LRRIQ1: variants seen among roughly 807,000 people sequenced by gnomAD.
LRRIQ1 encodes leucine-rich repeat- and IQ domain-containing protein 1.
In LRRIQ1, 210 loss-of-function variants were observed where a neutral mutation model predicts 211.9. The ratio of observed to expected loss-of-function variants is 0.99; its 90% CI spans 0.89 to 1.11. LRRIQ1 has a LOEUF of 1.11. LRRIQ1 is among the 50% of genes most tolerant of loss of function. LRRIQ1 has a pLI of 0.00. For synonymous variants in LRRIQ1, 699 were observed against 650.1 expected, an observed-to-expected ratio of 1.08 and a Z score of -1.14; for missense variants, 2,136 against 1,939.5, an observed-to-expected ratio of 1.10 and a Z score of -1.90.
rs779034130 is a variant in LRRIQ1 at position 85,152,384 on chromosome 12, A to C, written c.4419+15A>C. On this transcript the variant is annotated intron_variant, in intron 20 of 26. Coordinates refer to ENST00000393217, the MANE Select transcript of LRRIQ1 (RefSeq NM_001079910.2). ...ATTGGCCAAAGGTAACATGTCATGGAAACTTCTGAGTCCTCGATCTTTGCT... is the reference window on the plus strand; with the variant it reads ...ATTGGCCAAAGGTAACATGTCATGGCAACTTCTGAGTCCTCGATCTTTGCT... 6.9e-6 allele frequency: 11 copies of C among 1,599,776 alleles called. No individual in the cohort carries two copies. The highest frequency in any genetic ancestry group is 1.7e-4 in the Middle Eastern group (1 of 6,026).
At chr12:85,165,947 G>A (rs192458367) in intron 24 of LRRIQ1, among the ~76,000 whole-genome samples, 7 of 152,204 alleles carry the variant, frequency 4.6e-5, no homozygotes, top group Admixed American at 3.3e-4. Context: ...TTTCCTTTGG[G>A]TTTATACCCA....
intron 11 of LRRIQ1, among the ~76,000 whole-genome samples, chr12:85,075,481 G>C (rs1240644829): frequency 6.6e-6 from 1 of 152,006 alleles, no homozygotes; most frequent in African/African-American, 2.4e-5. Context: ...AGCTGGCGCA[G>C]GCAAGTTGCA....
intron 24 of LRRIQ1, among the ~76,000 whole-genome samples, chr12:85,176,762 T>TA (rs575137030): frequency 6.6e-6 from 1 of 151,510 alleles, no homozygotes; most frequent in Non-Finnish European, 1.5e-5. Flanking sequence ...AAAAAAATTT[T>TA]AAAAAAAATA....
intron 1 of LRRIQ1, among the ~76,000 whole-genome samples, chr12:85,251,915 T>C (rs1317707963): frequency 6.6e-6 from 1 of 151,944 alleles, no homozygotes; most frequent in Admixed American, 6.6e-5. Flanking sequence ...GTTTCTGATA[T>C]TTTTCAGTAT....
intron 8 of LRRIQ1, among the ~76,000 whole-genome samples, chr12:85,057,808 A>G (rs1334620649): frequency 5.9e-5 from 9 of 152,102 alleles, no homozygotes; most frequent in Non-Finnish European, 1.0e-4. Flanking sequence ...ATAAACGTAT[A>G]GAAAAAGAGA....
At chr12:85,196,213 G>A (rs1420468377) in intron 24 of LRRIQ1, among the ~76,000 whole-genome samples, 3 of 152,046 alleles carry the variant, frequency 2.0e-5, no homozygotes, top group Admixed American at 2.0e-4. Flanking sequence ...CATGCTCATG[G>A]GTAGGAAGAA....
chr12:85,229,749 A>G (rs1894843748), intron 25 of LRRIQ1, 100 bp downstream of exon 25: 2 of 1,178,344 alleles, frequency 1.7e-6, no homozygotes, highest in Non-Finnish European at 2.5e-6. Context: ...CTTTATTGCC[A>G]AAGGCCAATA....
exon 2 of LRRIQ1, chr12:85,264,361 G>A (rs1258712998): frequency 6.6e-6 from 1 of 151,886 alleles, no homozygotes; most frequent in Non-Finnish European, 1.5e-5. Flanking sequence ...CTGTGTAATT[G>A]TTTCATAATA....
intron 3 of LRRIQ1, 32 bp from the exon 4 acceptor site, chr12:85,044,686 T>C (rs746971047): frequency 2.7e-6 from 3 of 1,125,528 alleles, no homozygotes; most frequent in Admixed American, 4.0e-5. Flanking sequence ...TACTCTAATA[T>C]TGGAAGTTAT....
Position 85,244,958 on chromosome 12 carries a change from G to T in LRRIQ1, c.*17G>T, listed in dbSNP as rs1407021853. ...TTAATTTAGAAATCACAAACGAATT[G>T]ATGGAACCTAATGCCAACAAGCATT... On this transcript the variant is annotated 3_prime_UTR_variant, in exon 27 of 27. Transcript: ENST00000393217. 4 of 1,607,632 alleles carry T rather than the reference G, an allele frequency of 2.5e-6. No individual in the cohort carries two copies. Among genetic ancestry groups the T allele is most frequent in the East Asian group, 2.2e-5 (1 of 44,608 alleles).
At chr12:85,096,913 C>T (rs1446577217) in intron 11 of LRRIQ1, among the ~76,000 whole-genome samples, 1 of 152,068 alleles carries the variant, frequency 6.6e-6, no homozygotes, top group Non-Finnish European at 1.5e-5. Context: ...TTATGCAATG[C>T]CCTTCTTTGT....
rs551377100 is a variant in LRRIQ1, at chr12:85,095,047, A to G, written c.2888-3308A>G. Reference sequence around the variant, plus strand: ...AGTCTTTAGGATTTTCTAGATGTAGAATCACATCATCAGAAAGTGAGGTAT... The same window carrying G: ...AGTCTTTAGGATTTTCTAGATGTAGGATCACATCATCAGAAAGTGAGGTAT... On this transcript the variant is annotated intron_variant, in intron 11 of 26. Transcript: ENST00000393217. 7.9e-4 allele frequency among the ~76,000 whole-genome samples: 121 copies of G among 152,242 alleles called. 1 individual carries two copies. The highest frequency in any genetic ancestry group is 2.8e-3 in the African/African-American group (116 of 41,554).
intron 3 of LRRIQ1, among the ~76,000 whole-genome samples, chr12:85,042,136 A>C (rs560797160): frequency 1.3e-4 from 20 of 151,954 alleles, no homozygotes; most frequent in African/African-American, 3.9e-4. Flanking sequence ...ATTATAAAAA[A>C]AATCAAGGAA....
chr12:85,042,803 CTA>C (rs1879054565), intron 3 of LRRIQ1, among the ~76,000 whole-genome samples: 1 of 151,948 alleles, frequency 6.6e-6, no homozygotes, highest in Non-Finnish European at 1.5e-5. Context: ...GATGTTATAA[CTA>C]AATTCTTACA....
intron 24 of LRRIQ1, among the ~76,000 whole-genome samples, chr12:85,213,456 G>A (rs12579252): frequency 6.6e-6 from 1 of 151,876 alleles, no homozygotes; most frequent in Non-Finnish European, 1.5e-5. Context: ...AAATCAGTAA[G>A]GGACAGGCTT....
intron 5 of LRRIQ1, among the ~76,000 whole-genome samples, chr12:85,046,544 T>C (rs1286126618): frequency 6.6e-6 from 1 of 152,254 alleles, no homozygotes; most frequent in East Asian, 1.9e-4. Context: ...TGTATTTTAT[T>C]GTTGCATATT....
intron 24 of LRRIQ1, among the ~76,000 whole-genome samples, chr12:85,178,409 T>A (rs1402575923): frequency 6.6e-6 from 1 of 152,094 alleles, no homozygotes; most frequent in Non-Finnish European, 1.5e-5. Context: ...CTAATCAGTG[T>A]CTTTATGCCC....
At chr12:85,192,943 TAA>T (rs1425263515) in intron 24 of LRRIQ1, among the ~76,000 whole-genome samples, 1 of 92,436 alleles carries the variant, frequency 1.1e-5, no homozygotes. Flanking sequence ...TAATTATATA[TAA>T]ATATATAATT....
chr12:85,042,826 G>A (rs1436155850), intron 3 of LRRIQ1, among the ~76,000 whole-genome samples: 2 of 151,882 alleles, frequency 1.3e-5, no homozygotes, highest in Non-Finnish European at 2.9e-5. Context: ...ACCTATTAAG[G>A]AGCAAAAATA....
Sources: allele counts gnomAD v4.1 joint callset (sites outside exome capture counted in the v4.1 genomes callset), GRCh38; gene constraint gnomAD v4.1.1; transcripts MANE v1.5; gene names NCBI Gene and HGNC (gene_info 2026-07-23, HGNC 2026-07-21).